The following CDH20 variants were observed in gnomAD, a reference collection of about 807,000 sequenced individuals.
CDH20 encodes cadherin 20, also known as cadherin-20.
Under a neutral mutation model 74.2 loss-of-function variants are expected in CDH20, and 29 were observed. The observed-to-expected ratio is 0.39, with a 90% CI of 0.29 to 0.53. The LOEUF (loss-of-function observed/expected upper bound fraction) is 0.53. Ranked by LOEUF, CDH20 falls within the 20% of genes least tolerant of loss-of-function variation. CDH20 has a pLI of 0.69. For synonymous variants in CDH20, 469 were observed against 405.4 expected, an observed-to-expected ratio of 1.16 and a Z score of -1.88; for missense variants, 988 against 1,048.3, an observed-to-expected ratio of 0.94 and a Z score of 0.79.
intron 1 of CDH20, among the ~76,000 whole-genome samples, chr18:61,346,225 G>A (rs768689090): frequency 6.6e-6 from 1 of 152,180 alleles, no homozygotes; most frequent in African/African-American, 2.4e-5. Flanking sequence ...GAATTGCATC[G>A]TTATGAGTTA....
intron 1 of CDH20, among the ~76,000 whole-genome samples, chr18:61,378,458 G>A (rs1911321023): frequency 6.6e-6 from 1 of 152,120 alleles, no homozygotes; most frequent in African/African-American, 2.4e-5. Context: ...ATTCTATTCA[G>A]GCATCCAACG....
At chr18:61,364,959 A>G (rs945852864) in intron 1 of CDH20, among the ~76,000 whole-genome samples, 5 of 152,180 alleles carry the variant, frequency 3.3e-5, no homozygotes, top group African/African-American at 4.8e-5. Context: ...ATCTAAAACT[A>G]TTTTTATTAT....
intron 1 of CDH20, among the ~76,000 whole-genome samples, chr18:61,475,570 C>T (rs1031445270): frequency 6.6e-6 from 1 of 152,158 alleles, no homozygotes; most frequent in Non-Finnish European, 1.5e-5. Flanking sequence ...ACAGATTTTA[C>T]CATCGCTTTT....
At chr18:61,415,423 A>G (rs2144259093) in intron 1 of CDH20, among the ~76,000 whole-genome samples, 1 of 152,324 alleles carries the variant, frequency 6.6e-6, no homozygotes, top group African/African-American at 2.4e-5. Context: ...GCACTGTCAC[A>G]CACTTTGTGT....
intron 1 of CDH20, among the ~76,000 whole-genome samples, chr18:61,389,995 C>T (rs565632591): frequency 7.2e-5 from 11 of 152,302 alleles, no homozygotes; most frequent in Non-Finnish European, 1.5e-4. Context: ...TCCTTGCCCC[C>T]ATGACCAACT....
chr18:61,472,454 A>C (rs1208328035), intron 1 of CDH20, among the ~76,000 whole-genome samples: 1 of 152,192 alleles, frequency 6.6e-6, no homozygotes, highest in Non-Finnish European at 1.5e-5. Flanking sequence ...GGCCACTTTA[A>C]GTTGTCCTGA....
intron 1 of CDH20, among the ~76,000 whole-genome samples, chr18:61,415,467 G>A (rs1335251539): frequency 2.6e-5 from 4 of 152,138 alleles, no homozygotes; most frequent in African/African-American, 9.7e-5. Context: ...GGACTAGACT[G>A]AATCCTTCCT....
At chr18:61,336,186 G>A (rs1450883985) in intron 1 of CDH20, among the ~76,000 whole-genome samples, 1 of 152,210 alleles carries the variant, frequency 6.6e-6, no homozygotes, top group African/African-American at 2.4e-5. Context: ...AAGCAGTTGA[G>A]CAGCATAGGA....
At chr18:61,553,622 G>GT (rs1040581698) in intron 11 of CDH20, among the ~76,000 whole-genome samples, 11 of 152,102 alleles carry the variant, frequency 7.2e-5, no homozygotes, top group Admixed American at 7.2e-4. Context: ...ATGTTCTGTT[G>GT]TTTTTTAGAG....
At chr18:61,538,589 T>TTTTTTTTTTTG in intron 8 of CDH20, among the ~76,000 whole-genome samples, 1 of 39,252 alleles carries the variant, frequency 2.5e-5, no homozygotes, top group Non-Finnish European at 5.0e-5. Flanking sequence ...TTTTTGTTTG[T>TTTTTTTTTTTG]TTGTTTGTTT....
intron 1 of CDH20, among the ~76,000 whole-genome samples, chr18:61,430,495 T>C (rs1424589327): frequency 1.3e-5 from 2 of 152,220 alleles, no homozygotes; most frequent in East Asian, 1.9e-4. Flanking sequence ...TTCCATACTG[T>C]ACTCTTTGGA....
At chr18:61,361,943 T>G (rs990538483) in intron 1 of CDH20, among the ~76,000 whole-genome samples, 1 of 152,170 alleles carries the variant, frequency 6.6e-6, no homozygotes, top group African/African-American at 2.4e-5. Flanking sequence ...TGTGCAGTGC[T>G]TTATGTTTTT....
At chr18:61,548,908 A>C (rs1014753314) in intron 10 of CDH20, among the ~76,000 whole-genome samples, 13 of 152,262 alleles carry the variant, frequency 8.5e-5, no homozygotes, top group Admixed American at 3.9e-4. Context: ...AATGGGAAGA[A>C]GAACCAGAAA....
At chr18:61,525,575 T>G (rs558848) in intron 6 of CDH20, among the ~76,000 whole-genome samples, 2 of 151,924 alleles carry the variant, frequency 1.3e-5, no homozygotes, top group South Asian at 4.1e-4. Flanking sequence ...GCAGGCTGGC[T>G]GGTGGAGATG....
At chr18:61,390,453 A>G (rs1385888534) in intron 1 of CDH20, among the ~76,000 whole-genome samples, 2 of 152,214 alleles carry the variant, frequency 1.3e-5, no homozygotes, top group Non-Finnish European at 2.9e-5. Flanking sequence ...AACTTGCGAC[A>G]GGATATTTTT....
chr18:61,365,242 C>T (rs897596334), intron 1 of CDH20, among the ~76,000 whole-genome samples: 1 of 152,200 alleles, frequency 6.6e-6, no homozygotes, highest in African/African-American at 2.4e-5. Flanking sequence ...AAAGGATTCC[C>T]TCCATGAGGA....
chr18:61,390,633 G>A (rs1048409263), intron 1 of CDH20, among the ~76,000 whole-genome samples: 1 of 152,208 alleles, frequency 6.6e-6, no homozygotes, highest in Non-Finnish European at 1.5e-5. Context: ...CACAGGGGAT[G>A]AGAGATCAAA....
intron 1 of CDH20, among the ~76,000 whole-genome samples, chr18:61,354,426 A>G (rs767700051): frequency 1.3e-5 from 2 of 152,118 alleles, no homozygotes; most frequent in Non-Finnish European, 2.9e-5. Flanking sequence ...TGGCCAACAG[A>G]GTGAAACCCC....
rs1160702373 is a variant in CDH20 at position 61,555,655 on chromosome 18, A to G, written c.*960A>G. 2.0e-6 allele frequency: 2 copies of G among 980,482 alleles called. No individual in the cohort carries two copies. The highest frequency in any genetic ancestry group is 3.5e-5 in the African/African-American group (2 of 57,170). The allele number at this position is 980,482 out of a possible 1,614,324, so 60.7% of individuals were successfully genotyped here. A position where few individuals can be genotyped will look rare whatever the true frequency, so the allele number is the denominator to read the frequency against. Reference sequence around the variant, plus strand: ...AACAAAAATCAGTATTATAGAGAATAAATGGATGTAAGAAAATTACATGTA... The same window carrying G: ...AACAAAAATCAGTATTATAGAGAATGAATGGATGTAAGAAAATTACATGTA... On this transcript the variant is annotated 3_prime_UTR_variant, in exon 12 of 12. Transcript: ENST00000262717.
Sources: allele counts gnomAD v4.1 joint callset (sites outside exome capture counted in the v4.1 genomes callset), GRCh38; gene constraint gnomAD v4.1.1; transcripts MANE v1.5; gene names NCBI Gene and HGNC (gene_info 2026-07-23, HGNC 2026-07-21).